Variants in GRIK1 observed in about 807,000 individuals in gnomAD.
The protein encoded by GRIK1 is glutamate receptor ionotropic, kainate 1.
Under a neutral mutation model 105.7 loss-of-function variants are expected in GRIK1, and 69 were observed. The observed-to-expected ratio is 0.65, with a 90% CI of 0.54 to 0.80. The LOEUF (loss-of-function observed/expected upper bound fraction) is 0.80. GRIK1 is among the 30% of genes least tolerant of loss of function. The pLI, the probability that GRIK1 is intolerant of heterozygous loss-of-function variation, is 0.00. For missense variants in GRIK1, 1,109 were observed against 1,167.3 expected, an observed-to-expected ratio of 0.95 and a Z score of 0.73; for synonymous variants, 438 against 431.3, an observed-to-expected ratio of 1.02 and a Z score of -0.19.
intron 17 of GRIK1, 177 bp from the exon 18 acceptor site, chr21:29,537,562 G>A (rs553038368): frequency 1.2e-5 from 8 of 651,986 alleles, no homozygotes; most frequent in Middle Eastern, 3.9e-4. Flanking sequence ...TTTTCTAATC[G>A]GGGAAACTGA....
chr21:29,782,364 G>A (rs888723754), intron 1 of GRIK1, among the ~76,000 whole-genome samples: 12 of 152,174 alleles, frequency 7.9e-5, no homozygotes, highest in Non-Finnish European at 1.8e-4. Context: ...GGGATTACAG[G>A]CCACTTTTTT....
chr21:29,929,431 C>T (rs912006610), intron 1 of GRIK1, among the ~76,000 whole-genome samples: 6 of 152,162 alleles, frequency 3.9e-5, no homozygotes, highest in Non-Finnish European at 1.5e-5. Context: ...CAATAAACTT[C>T]CCTTTTCCAC....
At chr21:29,697,032 GA>G (rs2063717211) in intron 1 of GRIK1, among the ~76,000 whole-genome samples, 1 of 151,660 alleles carries the variant, frequency 6.6e-6, no homozygotes, top group Non-Finnish European at 1.5e-5. Context: ...TGAACAAGAA[GA>G]TTACACATTA....
intron 1 of GRIK1, among the ~76,000 whole-genome samples, chr21:29,799,157 C>G (rs562262177): frequency 1.7e-4 from 26 of 152,180 alleles, no homozygotes; most frequent in Non-Finnish European, 3.1e-4. Context: ...ACAATCACAT[C>G]TTCCGTCTTG....
chr21:29,710,366 T>G (rs1429146111), intron 1 of GRIK1, among the ~76,000 whole-genome samples: 1 of 151,734 alleles, frequency 6.6e-6, no homozygotes, highest in Non-Finnish European at 1.5e-5. Flanking sequence ...AATTTTGTCA[T>G]TAGGTTATCT....
intron 1 of GRIK1, among the ~76,000 whole-genome samples, chr21:29,849,593 A>G (rs180817254): frequency 6.0e-4 from 91 of 152,348 alleles, no homozygotes; most frequent in African/African-American, 2.1e-3. Flanking sequence ...GGAAAGGCCA[A>G]TAAAAGGCCG....
chr21:29,775,275 C>CAAA (rs66647707), intron 1 of GRIK1, among the ~76,000 whole-genome samples: 14 of 74,682 alleles, frequency 1.9e-4, no homozygotes, highest in South Asian at 5.1e-4. Flanking sequence ...GCCTCTGTCT[C>CAAA]AAAAAAAAAA....
intron 1 of GRIK1, among the ~76,000 whole-genome samples, chr21:29,742,159 C>T (rs1217643882): frequency 6.6e-6 from 1 of 152,046 alleles, no homozygotes; most frequent in East Asian, 1.9e-4. Flanking sequence ...TTTCCTTAAA[C>T]AAAAATAGAA....
intron 7 of GRIK1, among the ~76,000 whole-genome samples, chr21:29,641,255 C>T (rs1197439246): frequency 2.0e-5 from 3 of 152,054 alleles, no homozygotes; most frequent in Non-Finnish European, 4.4e-5. Flanking sequence ...GTGGGAGGGA[C>T]CCAGTAGCAG....
At chr21:29,870,705 T>C (rs1374972520) in intron 1 of GRIK1, among the ~76,000 whole-genome samples, 1 of 152,166 alleles carries the variant, frequency 6.6e-6, no homozygotes, top group Non-Finnish European at 1.5e-5. Flanking sequence ...AGCTTCTTCA[T>C]ACTTCACTTA....
intron 7 of GRIK1, among the ~76,000 whole-genome samples, chr21:29,618,998 C>T (rs192283126): frequency 2.8e-4 from 43 of 151,062 alleles, no homozygotes; most frequent in African/African-American, 8.7e-4. Flanking sequence ...TGGTGGTGGG[C>T]GCTTGTAGTC....
intron 8 of GRIK1, among the ~76,000 whole-genome samples, 195 bp downstream of exon 8, chr21:29,598,635 A>C (rs549662771): frequency 6.6e-6 from 1 of 152,360 alleles, no homozygotes; most frequent in South Asian, 2.1e-4. Flanking sequence ...TACTGCTATT[A>C]CTAAGACATG....
intron 7 of GRIK1, among the ~76,000 whole-genome samples, chr21:29,627,767 C>T (rs1465417113): frequency 2.6e-5 from 4 of 152,134 alleles, no homozygotes; most frequent in South Asian, 4.2e-4. Flanking sequence ...GAATTAATAA[C>T]TCATTAATTA....
In GRIK1 at chr21:29,749,356, G is replaced by T. The variant is rs577580902; in HGVS notation, c.119-55293C>A. Among the ~76,000 whole-genome samples the T allele has an allele frequency of 5.9e-5, 9 of 152,334 alleles. No homozygotes were observed. The East Asian group carries it at 1.5e-3, about 26-fold the overall frequency. On this transcript the variant is annotated intron_variant, in intron 1 of 17. Coordinates refer to ENST00000327783, the MANE Select transcript of GRIK1 (RefSeq NM_001330994.2). ...TGATAGAAAGCTCACTAGACTGGAAGTCAGGAGAATCAGCTTTGTCACCGA... is the reference window on the plus strand; with the variant it reads ...TGATAGAAAGCTCACTAGACTGGAATTCAGGAGAATCAGCTTTGTCACCGA...
intron 6 of GRIK1, among the ~76,000 whole-genome samples, chr21:29,649,350 C>T (rs2062680746): frequency 1.3e-5 from 2 of 152,184 alleles, no homozygotes; most frequent in South Asian, 4.1e-4. Flanking sequence ...CCTTAGTGAG[C>T]TACCCTCTTC....
At chr21:29,795,642 CT>C (rs1333192162) in intron 1 of GRIK1, among the ~76,000 whole-genome samples, 1 of 152,214 alleles carries the variant, frequency 6.6e-6, no homozygotes, top group African/African-American at 2.4e-5. Flanking sequence ...TTTCAACAGT[CT>C]TCAAGACCAC....
At chr21:29,853,888 A>C (rs1477152061) in intron 1 of GRIK1, among the ~76,000 whole-genome samples, 3 of 152,194 alleles carry the variant, frequency 2.0e-5, no homozygotes, top group African/African-American at 7.2e-5. Context: ...AAATTAGAAG[A>C]ACAGTAAAAA....
At chr21:29,897,748 T>A (rs950275583) in intron 1 of GRIK1, among the ~76,000 whole-genome samples, 1 of 152,216 alleles carries the variant, frequency 6.6e-6, no homozygotes, top group Non-Finnish European at 1.5e-5. Context: ...AGTTATTTAA[T>A]CTCTGATTTT....
chr21:29,891,644 A>T (rs1194636262), intron 1 of GRIK1, among the ~76,000 whole-genome samples: 1 of 152,190 alleles, frequency 6.6e-6, no homozygotes, highest in African/African-American at 2.4e-5. Flanking sequence ...GAACGTTAGA[A>T]CACCTGTTTG....
Sources: allele counts gnomAD v4.1 joint callset (sites outside exome capture counted in the v4.1 genomes callset), GRCh38; gene constraint gnomAD v4.1.1; transcripts MANE v1.5; gene names NCBI Gene and HGNC (gene_info 2026-07-23, HGNC 2026-07-21).